Variants in ERBB4 observed in about 807,000 individuals in gnomAD.
The protein encoded by ERBB4 is erb-b2 receptor tyrosine kinase 4.
In ERBB4, 42 loss-of-function variants were observed where a neutral mutation model predicts 158.0. The observed-to-expected ratio is 0.27, with a 90% CI of 0.21 to 0.34. The LOEUF is 0.34. ERBB4 is among the 10% of genes least tolerant of loss of function. ERBB4 has a pLI of 1.00. For missense variants in ERBB4, 1,333 were observed against 1,624.1 expected, an observed-to-expected ratio of 0.82 and a Z score of 3.08; for synonymous variants, 583 against 558.7, an observed-to-expected ratio of 1.04 and a Z score of -0.61.
chr2:211,472,511 A>G (rs1344004906), intron 20 of ERBB4, among the ~76,000 whole-genome samples: 1 of 151,662 alleles, frequency 6.6e-6, no homozygotes, highest in African/African-American at 2.4e-5. Flanking sequence ...TGTACTAATG[A>G]TAAGATCCTT....
chr2:211,637,294 A>G (rs1002324388), intron 16 of ERBB4, among the ~76,000 whole-genome samples: 14 of 152,006 alleles, frequency 9.2e-5, no homozygotes, highest in African/African-American at 3.4e-4. Context: ...TCAAATTCTT[A>G]TAATTCATTC....
chr2:211,905,735 C>A (rs1205244079), intron 3 of ERBB4, among the ~76,000 whole-genome samples: 1 of 55,996 alleles, frequency 1.8e-5, no homozygotes. Flanking sequence ...TATGTGTGTG[C>A]ATGTGTGTGT....
chr2:212,325,257 G>A (rs1208166569), intron 1 of ERBB4, among the ~76,000 whole-genome samples: 3 of 150,506 alleles, frequency 2.0e-5, no homozygotes, highest in Non-Finnish European at 4.5e-5. Context: ...TATAAAGGTA[G>A]TCCATAAAAC....
intron 1 of ERBB4, among the ~76,000 whole-genome samples, chr2:212,498,752 C>A (rs1162011523): frequency 6.6e-6 from 1 of 151,926 alleles, no homozygotes; most frequent in African/African-American, 2.4e-5. Context: ...CTTTCCCTAC[C>A]AGTCCATCTA....
intron 1 of ERBB4, among the ~76,000 whole-genome samples, chr2:212,469,770 G>C (rs1054890512): frequency 6.6e-6 from 1 of 151,980 alleles, no homozygotes; most frequent in African/African-American, 2.4e-5. Flanking sequence ...CAAAATTCTA[G>C]TGTGATCATG....
At chr2:211,503,530 A>C (rs1225670382) in intron 20 of ERBB4, among the ~76,000 whole-genome samples, 1 of 152,090 alleles carries the variant, frequency 6.6e-6, no homozygotes, top group East Asian at 1.9e-4. Flanking sequence ...AGTTCCTCCT[A>C]GTCCAGATCA....
chr2:211,696,392 T>TA (rs2073023644), intron 12 of ERBB4, among the ~76,000 whole-genome samples: 1 of 152,082 alleles, frequency 6.6e-6, no homozygotes, highest in Admixed American at 6.5e-5. Flanking sequence ...ATTACAGGTT[T>TA]TAGCCACTGT....
At chr2:212,451,066 C>A (rs2092439173) in intron 1 of ERBB4, among the ~76,000 whole-genome samples, 2 of 151,946 alleles carry the variant, frequency 1.3e-5, no homozygotes, top group African/African-American at 4.8e-5. Flanking sequence ...ACTAGGCTCC[C>A]TATTATGAAG....
chr2:212,025,409 T>C (rs758180807), intron 2 of ERBB4, among the ~76,000 whole-genome samples: 3 of 151,820 alleles, frequency 2.0e-5, no homozygotes, highest in Non-Finnish European at 3.0e-5. Context: ...TATGTATTCA[T>C]ATTTATGATG....
intron 1 of ERBB4, among the ~76,000 whole-genome samples, chr2:212,311,132 C>T (rs559933992): frequency 6.6e-6 from 1 of 150,798 alleles, no homozygotes; most frequent in Non-Finnish European, 1.5e-5. Context: ...ACTTGATACA[C>T]AGTAGAAATC....
At chr2:212,400,577 A>C (rs2091174324) in intron 1 of ERBB4, among the ~76,000 whole-genome samples, 1 of 152,222 alleles carries the variant, frequency 6.6e-6, no homozygotes, top group Non-Finnish European at 1.5e-5. Context: ...CAAATAGTTT[A>C]GATAGATCAT....
At chr2:212,204,555 G>A (rs897156641) in intron 1 of ERBB4, among the ~76,000 whole-genome samples, 9 of 151,716 alleles carry the variant, frequency 5.9e-5, no homozygotes, top group South Asian at 2.1e-4. Context: ...AAAATTAGCC[G>A]GCTTCATGGT....
At chr2:212,139,985 T>G (rs1457485066) in intron 1 of ERBB4, among the ~76,000 whole-genome samples, 1 of 151,890 alleles carries the variant, frequency 6.6e-6, no homozygotes, top group Non-Finnish European at 1.5e-5. Context: ...GGATAAAATA[T>G]AATCAATTAG....
At chr2:211,996,438 GA>G (rs1397842150) in intron 2 of ERBB4, among the ~76,000 whole-genome samples, 2 of 151,952 alleles carry the variant, frequency 1.3e-5, no homozygotes, top group East Asian at 1.9e-4. Context: ...AAAGCTGATA[GA>G]GTATTTATAA....
intron 16 of ERBB4, among the ~76,000 whole-genome samples, chr2:211,653,876 G>A (rs1427600224): frequency 4.6e-5 from 7 of 151,982 alleles, no homozygotes; most frequent in South Asian, 4.2e-4. Context: ...GGGTTTCACC[G>A]TGTTAGCCAG....
intron 1 of ERBB4, among the ~76,000 whole-genome samples, chr2:212,514,605 G>A (rs1691722036): frequency 6.6e-6 from 1 of 152,134 alleles, no homozygotes; most frequent in African/African-American, 2.4e-5. Context: ...AAGAGATCAA[G>A]ACCATCCTGG....
intron 20 of ERBB4, among the ~76,000 whole-genome samples, chr2:211,497,465 A>G (rs1361859447): frequency 2.0e-5 from 3 of 151,736 alleles, no homozygotes; most frequent in Non-Finnish European, 4.4e-5. Flanking sequence ...TTACATATCT[A>G]CTTGTACTGG....
chr2:212,514,597 G>C (rs578211703), intron 1 of ERBB4, among the ~76,000 whole-genome samples: 81 of 152,248 alleles, frequency 5.3e-4, no homozygotes, highest in African/African-American at 1.9e-3. Context: ...ACGAGGTCAA[G>C]AGATCAAGAC....
At chr2:212,345,821 C>T (rs2088970588) in intron 1 of ERBB4, among the ~76,000 whole-genome samples, 1 of 151,988 alleles carries the variant, frequency 6.6e-6, no homozygotes, top group Non-Finnish European at 1.5e-5. Flanking sequence ...GCTAGAATTT[C>T]CCCAATCAAT....
Sources: allele counts gnomAD v4.1 joint callset (sites outside exome capture counted in the v4.1 genomes callset), GRCh38; gene constraint gnomAD v4.1.1; transcripts MANE v1.5; gene names NCBI Gene and HGNC (gene_info 2026-07-23, HGNC 2026-07-21).